ENOX1: variants seen among roughly 807,000 people sequenced by gnomAD.
The protein encoded by ENOX1 is ecto-NOX disulfide-thiol exchanger 1.
In ENOX1, 42 loss-of-function variants were observed where a neutral mutation model predicts 82.5. That is an observed-to-expected ratio of 0.51 (90% CI 0.40 to 0.66). The LOEUF (loss-of-function observed/expected upper bound fraction) is 0.66, where lower values mean the gene tolerates loss of function less well. Ranked by LOEUF, ENOX1 falls within the 30% of genes least tolerant of loss-of-function variation. The pLI, the probability that ENOX1 is intolerant of heterozygous loss-of-function variation, is 0.00. For missense variants in ENOX1, 608 were observed against 811.6 expected (o/e 0.75, Z 3.05); for synonymous variants, 271 against 282.2 (o/e 0.96, Z 0.40).
At chr13:43,316,998 C>T (rs2047535999) in intron 11 of ENOX1, among the ~76,000 whole-genome samples, 1 of 152,232 alleles carries the variant, frequency 6.6e-6, no homozygotes, top group Non-Finnish European at 1.5e-5. Context: ...GATGGACACA[C>T]CCCACTGGTC....
intron 2 of ENOX1, among the ~76,000 whole-genome samples, chr13:43,516,444 T>C (rs760187734): frequency 2.0e-5 from 3 of 152,148 alleles, no homozygotes; most frequent in Non-Finnish European, 2.9e-5. Context: ...TGTAAGCAGA[T>C]GGGGACATGA....
At chr13:43,616,102 AGATAGATATCTATAGATCTATAGATATC>A (rs2082406425) in intron 2 of ENOX1, among the ~76,000 whole-genome samples, 2 of 11,514 alleles carry the variant, frequency 1.7e-4, no homozygotes, top group Non-Finnish European at 3.1e-4. Flanking sequence ...ATATCTATAT[AGATAGATATCTATAGATCTATAGATATC>A]TATCTATCTA....
chr13:43,308,422 C>T (rs2153516128), intron 11 of ENOX1, among the ~76,000 whole-genome samples: 1 of 152,310 alleles, frequency 6.6e-6, no homozygotes, highest in Non-Finnish European at 1.5e-5. Flanking sequence ...GTCCTTCTTT[C>T]CCACCTAATA....
chr13:43,272,984 C>T (rs996808539), intron 12 of ENOX1, among the ~76,000 whole-genome samples: 4 of 152,206 alleles, frequency 2.6e-5, no homozygotes, highest in African/African-American at 4.8e-5. Flanking sequence ...TCTCACTACA[C>T]GCTCTCTCCA....
chr13:43,306,249 A>G (rs2046852778), intron 11 of ENOX1, among the ~76,000 whole-genome samples: 1 of 152,184 alleles, frequency 6.6e-6, no homozygotes, highest in South Asian at 2.1e-4. Flanking sequence ...AGGATGTGCC[A>G]TGGCTATGGA....
intron 1 of ENOX1, among the ~76,000 whole-genome samples, chr13:43,713,269 G>A (rs1230297792): frequency 1.2e-4 from 19 of 152,216 alleles, no homozygotes; most frequent in Admixed American, 1.2e-3. Context: ...AAGCCCACTT[G>A]ATCATGGTGG....
intron 2 of ENOX1, among the ~76,000 whole-genome samples, chr13:43,487,963 C>T (rs1442183429): frequency 6.6e-6 from 1 of 152,186 alleles, no homozygotes; most frequent in Non-Finnish European, 1.5e-5. Flanking sequence ...TGGCAGGAAT[C>T]TCATCATTTA....
intron 12 of ENOX1, among the ~76,000 whole-genome samples, chr13:43,282,069 G>T (rs1006113951): frequency 1.2e-4 from 19 of 152,086 alleles, no homozygotes; most frequent in African/African-American, 4.6e-4. Context: ...ATTCCAAGTT[G>T]TTAAAACCTT....
chr13:43,668,308 G>A (rs1311016199), intron 1 of ENOX1, among the ~76,000 whole-genome samples: 1 of 152,162 alleles, frequency 6.6e-6, no homozygotes, highest in African/African-American at 2.4e-5. Flanking sequence ...TGGTTTTAAA[G>A]TGCCTTATAC....
At chr13:43,329,987 T>C (rs1439788856) in intron 9 of ENOX1, among the ~76,000 whole-genome samples, 1 of 152,166 alleles carries the variant, frequency 6.6e-6, no homozygotes, top group Non-Finnish European at 1.5e-5. Context: ...CTAATGAATG[T>C]CATTCAAAGA....
chr13:43,711,263 G>A (rs1021631468), intron 1 of ENOX1, among the ~76,000 whole-genome samples: 1 of 151,956 alleles, frequency 6.6e-6, no homozygotes, highest in Non-Finnish European at 1.5e-5. Context: ...CATTTTTTAT[G>A]GCTGCATAGT....
At chr13:43,264,673 A>T (rs1230367823) in intron 14 of ENOX1, among the ~76,000 whole-genome samples, 2 of 152,194 alleles carry the variant, frequency 1.3e-5, no homozygotes, top group African/African-American at 2.4e-5. Flanking sequence ...ATTTTCTTTG[A>T]TGAGGATAAT....
At chr13:43,725,894 G>C (rs920992513) in intron 1 of ENOX1, among the ~76,000 whole-genome samples, 1 of 151,834 alleles carries the variant, frequency 6.6e-6, no homozygotes, top group African/African-American at 2.4e-5. Context: ...TTGAGCCCAG[G>C]AGGTGGAGGC....
intron 11 of ENOX1, among the ~76,000 whole-genome samples, chr13:43,317,768 G>A (rs1296504752): frequency 2.0e-5 from 3 of 151,960 alleles, no homozygotes; most frequent in African/African-American, 7.3e-5. Context: ...CACTTTGGGA[G>A]GCCGAGGTGA....
At chr13:43,627,554 T>C (rs2083019754) in intron 2 of ENOX1, among the ~76,000 whole-genome samples, 2 of 152,086 alleles carry the variant, frequency 1.3e-5, no homozygotes, top group Admixed American at 6.6e-5. Flanking sequence ...ACTTAAAATA[T>C]AGTTGTCTTA....
At chr13:43,474,522 T>C (rs944656958) in intron 3 of ENOX1, among the ~76,000 whole-genome samples, 3 of 152,218 alleles carry the variant, frequency 2.0e-5, no homozygotes, top group Non-Finnish European at 4.4e-5. Flanking sequence ...TCAACACTTT[T>C]GGGAATAATG....
At chr13:43,321,920 C>G (rs2047835226) in intron 11 of ENOX1, among the ~76,000 whole-genome samples, 1 of 152,190 alleles carries the variant, frequency 6.6e-6, no homozygotes, top group Non-Finnish European at 1.5e-5. Flanking sequence ...TAGCTTGGTA[C>G]CAAATGGGGC....
At chr13:43,449,598 G>A (rs969999894) in intron 3 of ENOX1, among the ~76,000 whole-genome samples, 1 of 151,680 alleles carries the variant, frequency 6.6e-6, no homozygotes, top group Non-Finnish European at 1.5e-5. Context: ...CTTTCATAAG[G>A]CAAAAGTTCA....
At chr13:43,768,764 C>T (rs1951427989) in intron 1 of ENOX1, among the ~76,000 whole-genome samples, 1 of 152,220 alleles carries the variant, frequency 6.6e-6, no homozygotes, top group South Asian at 2.1e-4. Flanking sequence ...TTCTCATGCT[C>T]ATGAATACTC....
Sources: allele counts gnomAD v4.1 joint callset (sites outside exome capture counted in the v4.1 genomes callset), GRCh38; gene constraint gnomAD v4.1.1; transcripts MANE v1.5; gene names NCBI Gene and HGNC (gene_info 2026-07-23, HGNC 2026-07-21).